Variants in TMEM132D observed in about 807,000 individuals in gnomAD.
The protein encoded by TMEM132D is mature OL transmembrane protein.
In TMEM132D, 21 loss-of-function variants were observed where a neutral mutation model predicts 62.3. The observed-to-expected ratio is 0.34, with a 90% CI of 0.24 to 0.49. The LOEUF (loss-of-function observed/expected upper bound fraction) is 0.49, where lower values mean the gene tolerates loss of function less well. TMEM132D is among the 20% of genes least tolerant of loss of function. The pLI is 0.99. For synonymous variants in TMEM132D, 621 were observed against 575.6 expected (o/e 1.08, Z -1.13); for missense variants, 1,346 against 1,402.8 (o/e 0.96, Z 0.65).
intron 4 of TMEM132D, among the ~76,000 whole-genome samples, chr12:129,223,939 A>C (rs74993171): frequency 0.03 from 4,491 of 152,190 alleles, 250 homozygotes; most frequent in East Asian, 0.19. Context: ...GGGCTGCATA[A>C]TTCTTTGTTA....
chr12:129,270,956 G>T (rs1297857512), intron 4 of TMEM132D, among the ~76,000 whole-genome samples: 1 of 152,074 alleles, frequency 6.6e-6, no homozygotes, highest in Non-Finnish European at 1.5e-5. Context: ...CTTTCTGATG[G>T]GCAGGAATGT....
intron 3 of TMEM132D, among the ~76,000 whole-genome samples, chr12:129,436,578 G>A (rs73422572): frequency 0.059 from 8,941 of 152,156 alleles, 762 homozygotes; most frequent in African/African-American, 0.19. Context: ...CCATCAAGAG[G>A]GGACTTCTGA....
At chr12:129,105,467 G>A (rs201744067) in intron 5 of TMEM132D, among the ~76,000 whole-genome samples, 24,457 of 138,762 alleles carry the variant, frequency 0.18, 2,542 homozygotes, top group Non-Finnish European at 0.21. Flanking sequence ...TGGGTGCAGC[G>A]CACCAGCATG....
chr12:129,173,394 T>C (rs146168007), intron 5 of TMEM132D, among the ~76,000 whole-genome samples: 82 of 152,340 alleles, frequency 5.4e-4, no homozygotes, highest in South Asian at 1.0e-3. Flanking sequence ...CTAAAATTTA[T>C]AAAATAGGAT....
intron 4 of TMEM132D, among the ~76,000 whole-genome samples, chr12:129,278,580 C>T (rs1486239180): frequency 6.6e-6 from 1 of 152,148 alleles, no homozygotes; most frequent in South Asian, 2.1e-4. Flanking sequence ...AGCCATTTGA[C>T]TGTGTTTGAA....
intron 1 of TMEM132D, among the ~76,000 whole-genome samples, chr12:129,819,323 T>C (rs1184873479): frequency 1.3e-5 from 2 of 152,128 alleles, no homozygotes; most frequent in Non-Finnish European, 2.9e-5. Flanking sequence ...TGGCATCTGG[T>C]TTCCCCATCA....
At chr12:129,471,804 C>A (rs549384312) in intron 3 of TMEM132D, among the ~76,000 whole-genome samples, 1 of 152,138 alleles carries the variant, frequency 6.6e-6, no homozygotes, top group Non-Finnish European at 1.5e-5. Flanking sequence ...AAACAACCAA[C>A]CTTATTGCTG....
intron 1 of TMEM132D, among the ~76,000 whole-genome samples, chr12:129,823,189 C>A (rs1216559108): frequency 1.3e-5 from 2 of 152,194 alleles, no homozygotes; most frequent in Non-Finnish European, 2.9e-5. Context: ...TCCCCAGAAG[C>A]AGAAACTGCC....
chr12:129,777,484 AC>A (rs1420585514), intron 1 of TMEM132D, among the ~76,000 whole-genome samples: 1 of 152,168 alleles, frequency 6.6e-6, no homozygotes, highest in East Asian at 1.9e-4. Flanking sequence ...CAGAACGGCC[AC>A]CCAGCCTACT....
rs75522216 is a variant in TMEM132D at position 129,262,358 on chromosome 12, T to C, written c.1300-52695A>G. ...GTAGTAACATTATAACCCTCATAGA[T>C]AGATCATTAGCTTGCTAGGTACCTA... On this transcript the variant is annotated intron_variant, in intron 4 of 8. Transcript: ENST00000422113. 423 of 152,314 alleles carry C rather than the reference T, an allele frequency of 2.8e-3. 2 individuals are homozygous for C. The highest frequency in any genetic ancestry group is 9.8e-3 in the African/African-American group (406 of 41,562). The allele number at this position is 152,314 out of a possible 1,614,324, so 9.4% of individuals were successfully genotyped here. A position where few individuals can be genotyped will look rare whatever the true frequency, so the allele number is the denominator to read the frequency against.
intron 1 of TMEM132D, among the ~76,000 whole-genome samples, chr12:129,794,660 TTG>T (rs771271487): frequency 3.3e-5 from 5 of 152,224 alleles, no homozygotes; most frequent in East Asian, 1.9e-4. Context: ...TTTAGCATTA[TTG>T]GTCAGTTCCT....
intron 3 of TMEM132D, among the ~76,000 whole-genome samples, chr12:129,435,940 T>C (rs531991725): frequency 6.6e-6 from 1 of 152,274 alleles, no homozygotes; most frequent in African/African-American, 2.4e-5. Context: ...CTAGGAACAA[T>C]TGTGATATCA....
At chr12:129,831,370 C>T (rs1447497452) in intron 1 of TMEM132D, among the ~76,000 whole-genome samples, 1 of 152,284 alleles carries the variant, frequency 6.6e-6, no homozygotes, top group Admixed American at 6.5e-5. Context: ...AATGCGATTG[C>T]GTGTGTCTGC....
intron 2 of TMEM132D, among the ~76,000 whole-genome samples, chr12:129,574,285 G>T (rs548275685): frequency 6.6e-6 from 1 of 151,906 alleles, no homozygotes; most frequent in Non-Finnish European, 1.5e-5. Context: ...TAGGTGATGG[G>T]TATATGGGTG....
chr12:129,592,375 T>C (rs916572033), intron 2 of TMEM132D, among the ~76,000 whole-genome samples: 1 of 152,230 alleles, frequency 6.6e-6, no homozygotes, highest in African/African-American at 2.4e-5. Flanking sequence ...CTCTTGCCTA[T>C]TCTAAGTACT....
intron 2 of TMEM132D, among the ~76,000 whole-genome samples, chr12:129,580,139 T>G (rs185803482): frequency 6.6e-6 from 1 of 152,288 alleles, no homozygotes; most frequent in East Asian, 1.9e-4. Flanking sequence ...ATCTCTTGGC[T>G]CCAGCTCCCC....
At chr12:129,169,708 G>A (rs747008853) in intron 5 of TMEM132D, among the ~76,000 whole-genome samples, 13 of 152,088 alleles carry the variant, frequency 8.5e-5, no homozygotes, top group Admixed American at 2.0e-4. Flanking sequence ...TCAATAAGAG[G>A]GGATTCAAGA....
At chr12:129,810,570 ACACC>A (rs72335512) in intron 1 of TMEM132D, among the ~76,000 whole-genome samples, 5,473 of 26,984 alleles carry the variant, frequency 0.2, 264 homozygotes, top group African/African-American at 0.34. Flanking sequence ...ACACACACAC[ACACC>A]CCCCCACACT....
intron 1 of TMEM132D, among the ~76,000 whole-genome samples, chr12:129,755,613 C>T (rs972718483): frequency 1.3e-5 from 2 of 152,112 alleles, no homozygotes; most frequent in Admixed American, 6.6e-5. Flanking sequence ...TCTTTTTATG[C>T]CCCTTTTGTC....
Sources: allele counts gnomAD v4.1 joint callset (sites outside exome capture counted in the v4.1 genomes callset), GRCh38; gene constraint gnomAD v4.1.1; transcripts MANE v1.5; gene names NCBI Gene and HGNC (gene_info 2026-07-23, HGNC 2026-07-21).